Variants in HDGF observed in about 807,000 individuals in gnomAD.
HDGF encodes heparin binding growth factor.
HDGF carries 5 observed loss-of-function variants against 30.0 expected under a neutral mutation model. The ratio of observed to expected loss-of-function variants is 0.17; its 90% CI spans 0.09 to 0.35. HDGF has a LOEUF of 0.35. HDGF is among the 10% of genes least tolerant of loss of function. The probability of loss-of-function intolerance (pLI) is 1.00; values close to 1 mark genes in which losing one functional copy is unlikely to be tolerated. For missense variants in HDGF, 214 were observed against 302.8 expected (o/e 0.71, Z 2.18); for synonymous variants, 133 against 112.7 (o/e 1.18, Z -1.14).
At chr1:156,750,300 T>C (rs561924472) in intron 1 of HDGF, among the ~76,000 whole-genome samples, 34 of 152,276 alleles carry the variant, frequency 2.2e-4, no homozygotes, top group Admixed American at 4.6e-4. Context: ...AAGGCCCCTC[T>C]ACACCAACTT....
chr1:156,758,815 C>T (rs897131775), intron 2 of HDGF, among the ~76,000 whole-genome samples: 3 of 151,944 alleles, frequency 2.0e-5, no homozygotes, highest in Admixed American at 1.3e-4. Context: ...CAGACACCCC[C>T]TAGAGTTAGA....
intron 4 of HDGF, 32 bp downstream of exon 4, chr1:156,744,131 G>A (rs1650336909): frequency 1.2e-6 from 2 of 1,607,278 alleles, no homozygotes; most frequent in African/African-American, 1.3e-5. Context: ...GAATGTTGAG[G>A]GGGGCCCAGG....
In HDGF at chr1:156,744,358, A is replaced by G. The variant is rs1199830193; in HGVS notation, c.304-10T>C. ...TCTTTTTCTGGGAGGACTGCAGCAG[A>G]GACAGCACAGGCTGAGTGGCACCAG... On this transcript the variant is annotated splice_polypyrimidine_tract_variant and intron_variant, in intron 3 of 5. Coordinates refer to ENST00000357325, the MANE Select transcript of HDGF (RefSeq NM_004494.3). 1 of 1,613,612 alleles carries G rather than the reference A, an allele frequency of 6.2e-7. No individual in the cohort carries two copies. Among genetic ancestry groups the G allele is most frequent in the Non-Finnish European group, 8.5e-7 (1 of 1,179,908 alleles).
upstream of HDGF, among the ~76,000 whole-genome samples, chr1:156,753,097 T>G (rs541580916): frequency 6.6e-6 from 1 of 152,324 alleles, no homozygotes; most frequent in East Asian, 1.9e-4. Flanking sequence ...AATGGCTGCT[T>G]GTCACTAGGG....
At position 156,744,279 on chromosome 1, in the gene HDGF, T is replaced by C; in HGVS notation, c.373A>G (p.Lys125Glu). ...EPEAAEGDGD[K>E]KGNAEGSSDE... is the part of the protein sequence containing the mutation. ...CTGCTGCCCTCTGCATTCCCCTTCT[T>C]ATCACCGTCACCCTCTGCAGCTTCG... The change falls in exon 4 of 6, where the codon AAG becomes GAG. Residue 125 changes from lysine (K) to glutamate (E), a missense_variant. Physicochemically the swap from Lys to Glu is moderately conservative, Grantham distance 56. Transcript: ENST00000357325. 1.2e-6 allele frequency: 2 copies of C among 1,614,114 alleles called. No individual in the cohort carries two copies. Among genetic ancestry groups the C allele is most frequent in the Non-Finnish European group, 1.7e-6 (2 of 1,180,014 alleles).
At position 156,750,100 on chromosome 1, in the gene HDGF, C is replaced by G. The variant is rs116462888; in HGVS notation, c.87+1243G>C. Reference sequence around the variant, plus strand: ...ACACTCCTGAGGAGTGGGTACAGAGCGAGGAAGGGTCTCTGAGTTTTCTGA... The same window carrying G: ...ACACTCCTGAGGAGTGGGTACAGAGGGAGGAAGGGTCTCTGAGTTTTCTGA... On this transcript the variant is annotated intron_variant, in intron 1 of 5. Coordinates refer to ENST00000357325, the MANE Select transcript of HDGF (RefSeq NM_004494.3). Among the ~76,000 whole-genome samples, 716 of 152,226 alleles carry G rather than the reference C, an allele frequency of 4.7e-3. 7 individuals are homozygous for G. The highest frequency in any genetic ancestry group is 0.016 in the African/African-American group (681 of 41,524).
Position 156,742,581 on chromosome 1 carries a change from C to T in HDGF, c.*868G>A, listed in dbSNP as rs1650204278. ...CATTTCCTAAAAAATGTGTCTTTTC[C>T]TTTATGTCTGGGTGATATATATGAC... On this transcript the variant is annotated 3_prime_UTR_variant, in exon 6 of 6. Coordinates refer to ENST00000357325, the MANE Select transcript of HDGF (RefSeq NM_004494.3). 6.6e-6 allele frequency: 1 copy of T among 152,476 alleles called. No homozygotes were observed. Among genetic ancestry groups the T allele is most frequent in the Non-Finnish European group, 1.5e-5 (1 of 68,126 alleles). The allele number at this position is 152,476 out of a possible 1,614,324, so 9.4% of individuals were successfully genotyped here.
upstream of HDGF, chr1:156,751,836 G>A (rs1651003304): frequency 2.1e-6 from 2 of 944,374 alleles, no homozygotes; most frequent in East Asian, 3.9e-5. The surrounding 1 kb of genome is among the most constrained non-coding windows in gnomAD (Gnocchi z 4.7). Flanking sequence ...GCTTCTTGAC[G>A]CCCAGGGCCT....
chr1:156,759,200 G>C (rs968173348), exon 2 of HDGF: 8 of 152,134 alleles, frequency 5.3e-5, no homozygotes, highest in African/African-American at 1.7e-4. Flanking sequence ...TGTGTAGGTA[G>C]TACATGCCAA....
At chr1:156,764,303 A>AC (rs1330504976) in intron 1 of HDGF, among the ~76,000 whole-genome samples, 6 of 151,842 alleles carry the variant, frequency 4.0e-5, no homozygotes, top group Admixed American at 1.3e-4. Context: ...ATCTCTGCTC[A>AC]CTGAAACCTC....
In HDGF at chr1:156,743,801, C is replaced by T; in HGVS notation, c.567G>A (p.Arg189=). ...EKEAATLEVE[R]PLPMEVEKNS... ...TCTTTTCCACCTCCATAGGAAGGGG[C>T]CTCTCAACCTCCAAGGTGGCTGCCT... The change falls in exon 5 of 6, where the codon AGG becomes AGA. Residue 189 remains arginine (R), a synonymous_variant. Transcript: ENST00000357325. 1 of 1,609,020 alleles carries T rather than the reference C, an allele frequency of 6.2e-7. No individual in the cohort carries two copies. Among genetic ancestry groups the T allele is most frequent in the East Asian group, 2.2e-5 (1 of 44,846 alleles).
At chr1:156,748,890 A>G (rs1390018710) in intron 1 of HDGF, among the ~76,000 whole-genome samples, 1 of 152,186 alleles carries the variant, frequency 6.6e-6, no homozygotes, top group Non-Finnish European at 1.5e-5. Flanking sequence ...GAGAAGGTAC[A>G]GGGGGAAGGG....
In HDGF at chr1:156,764,886, CAAAAA is replaced by C. The variant is rs555336967; in HGVS notation, n.136+1899_136+1903del. Among the ~76,000 whole-genome samples the C allele has an allele frequency of 1.6e-4, 19 of 118,282 alleles. No homozygotes were observed. The East Asian group carries it at 4.3e-3, about 27-fold the overall frequency. 77.6% of individuals were successfully genotyped at this position (118,282 alleles called of 152,430 possible). A position where few individuals can be genotyped will look rare whatever the true frequency, so the allele number is the denominator to read the frequency against. ...GGGCGACAGTACAAGACTCTATCTC[CAAAAA>C]AAAAAAAAAAGAAGAAGAAAGAAAA... On this transcript the variant is annotated intron_variant and non_coding_transcript_variant, in intron 1 of 7. Coordinates refer to the HDGF transcript ENST00000465180.
At chr1:156,763,003 C>T (rs1378484558) in intron 1 of HDGF, among the ~76,000 whole-genome samples, 1 of 152,168 alleles carries the variant, frequency 6.6e-6, no homozygotes, top group Non-Finnish European at 1.5e-5. Flanking sequence ...TCTCAGCTCT[C>T]TTAGATGTGC....
chr1:156,751,818 T>C, upstream of HDGF: 2 of 970,568 alleles, frequency 2.1e-6, no homozygotes, highest in Non-Finnish European at 2.6e-6. This position sits in a 1 kb window ranked among gnomAD's most constrained non-coding sequence, Gnocchi z 4.7. Context: ...GGCGGTTTGA[T>C]GCGTGCAGCT....
rs566809290 is a variant in HDGF at position 156,742,507 on chromosome 1, G to A, written c.*942C>T. The A allele has an allele frequency of 4.6e-5, 7 of 152,704 alleles. No homozygotes were observed. In the East Asian group the frequency reaches 5.8e-4, roughly 13 times the overall value. The allele number at this position is 152,704 out of a possible 1,614,324, so 9.5% of individuals were successfully genotyped here. A position where few individuals can be genotyped will look rare whatever the true frequency, so the allele number is the denominator to read the frequency against. On this transcript the variant is annotated 3_prime_UTR_variant, in exon 6 of 6. Coordinates refer to ENST00000357325, the MANE Select transcript of HDGF (RefSeq NM_004494.3). Reference sequence around the variant, plus strand: ...AGGAGCAGAATGGAGAGCACACAAAGGGTTAGGGGTCTTTAAAATTTTTTT... The same window carrying A: ...AGGAGCAGAATGGAGAGCACACAAAAGGTTAGGGGTCTTTAAAATTTTTTT...
Position 156,751,374 on chromosome 1 carries a change from T to C in HDGF, c.56A>G (p.Lys19Arg), listed in dbSNP as rs1398670576. 6.2e-7 allele frequency: 1 copy of C among 1,610,016 alleles called. No individual in the cohort carries two copies. Residue 19 changes from lysine to arginine, a missense_variant, in exon 1 of 6, where the codon AAG becomes AGG. Coordinates refer to ENST00000357325, the MANE Select transcript of HDGF (RefSeq NM_004494.3). The surrounding 1 kb of genome is among the most constrained non-coding windows in gnomAD (Gnocchi z 4.7). ...CGGCCAGTGTGGGTAGCCCTTCATC[T>C]TGGCGAACACCAGGTCCCCGCATTT... ...EYKCGDLVFAKMKGYPHWPAR... is the reference protein window; with the variant it reads ...EYKCGDLVFARMKGYPHWPAR...
At chr1:156,756,038 G>A (rs1035418310), upstream of HDGF, among the ~76,000 whole-genome samples, 7 of 152,204 alleles carry the variant, frequency 4.6e-5, no homozygotes, top group African/African-American at 1.7e-4. Flanking sequence ...ATCACTTGAA[G>A]TCAGGAGTTC....
At chr1:156,744,972 C>T in intron 3 of HDGF, 36 bp downstream of exon 3, 2 of 1,612,220 alleles carry the variant, frequency 1.2e-6, no homozygotes, top group South Asian at 1.1e-5. Flanking sequence ...GCCACATCTG[C>T]TTTCCAGGGG....
Sources: gnomAD v4.1 joint callset for allele counts (sites outside exome capture counted in the v4.1 genomes callset) on GRCh38, gnomAD v4.1.1 for gene constraint, Gnocchi (gnomAD v3.1) non-coding constraint, MANE v1.5 for transcripts, NCBI Gene and HGNC (gene_info 2026-07-23, HGNC 2026-07-21) for gene names.